The following EPHA6 variants were observed in gnomAD, a reference collection of about 807,000 sequenced individuals.
EPHA6 encodes EPH receptor A6.
A neutral mutation model predicts 112.0 loss-of-function variants in EPHA6; 50 were observed. The ratio of observed to expected loss-of-function variants is 0.45; its 90% CI spans 0.36 to 0.56. The LOEUF (loss-of-function observed/expected upper bound fraction) is 0.56, where lower values mean the gene tolerates loss of function less well. Ranked by LOEUF, EPHA6 falls within the 20% of genes least tolerant of loss-of-function variation. The pLI is 0.00. For missense variants in EPHA6, 1,280 were observed against 1,417.4 expected (o/e 0.90, Z 1.56); for synonymous variants, 529 against 490.7 (o/e 1.08, Z -1.03).
chr3:97,639,348 G>A (rs2093981212), intron 14 of EPHA6, among the ~76,000 whole-genome samples: 1 of 151,724 alleles, frequency 6.6e-6, no homozygotes, highest in Non-Finnish European at 1.5e-5. Context: ...TTTTCTCAAG[G>A]CCTTTATTTT....
At chr3:97,614,323 A>G (rs1291533405) in intron 13 of EPHA6, among the ~76,000 whole-genome samples, 1 of 148,082 alleles carries the variant, frequency 6.8e-6, no homozygotes, top group African/African-American at 2.5e-5. Flanking sequence ...ATGAGAGAAA[A>G]GGTATACTTA....
chr3:97,084,190 T>C (rs1198019822), intron 3 of EPHA6, among the ~76,000 whole-genome samples: 1 of 148,200 alleles, frequency 6.7e-6, no homozygotes, highest in Non-Finnish European at 1.5e-5. Context: ...TTTATCCTAC[T>C]TTTCATCCAT....
chr3:96,835,341 G>T (rs2034343604), intron 1 of EPHA6, among the ~76,000 whole-genome samples: 1 of 152,056 alleles, frequency 6.6e-6, no homozygotes, highest in Non-Finnish European at 1.5e-5. Context: ...AAAGGAAGTG[G>T]TGGTCACATC....
chr3:97,443,359 C>CAAAA (rs5851066), intron 6 of EPHA6, among the ~76,000 whole-genome samples: 14 of 68,196 alleles, frequency 2.1e-4, no homozygotes, highest in African/African-American at 5.6e-4. Context: ...TAAGACATCG[C>CAAAA]AAAAAAAAAA....
chr3:97,165,874 A>G (rs747521358), intron 3 of EPHA6, among the ~76,000 whole-genome samples: 8 of 152,164 alleles, frequency 5.3e-5, no homozygotes, highest in Non-Finnish European at 1.0e-4. Context: ...TAAGTATTCA[A>G]TAAAAAATTG....
intron 3 of EPHA6, among the ~76,000 whole-genome samples, chr3:97,216,044 A>G (rs1199749845): frequency 3.9e-5 from 6 of 152,214 alleles, no homozygotes; most frequent in Non-Finnish European, 5.9e-5. Flanking sequence ...AGAAAAGTCA[A>G]TGTCTGTATT....
intron 10 of EPHA6, among the ~76,000 whole-genome samples, chr3:97,497,327 A>T (rs1028763224): frequency 1.3e-5 from 2 of 152,122 alleles, no homozygotes; most frequent in African/African-American, 2.4e-5. Flanking sequence ...AGACCTTTGC[A>T]CCTGGTATTC....
At chr3:97,679,695 G>A (rs541493463) in intron 14 of EPHA6, among the ~76,000 whole-genome samples, 1 of 152,120 alleles carries the variant, frequency 6.6e-6, no homozygotes, top group Non-Finnish European at 1.5e-5. Context: ...GGAAACCTGT[G>A]GCATGTACAT....
At chr3:97,004,081 T>C (rs897045163) in intron 3 of EPHA6, among the ~76,000 whole-genome samples, 6 of 152,188 alleles carry the variant, frequency 3.9e-5, no homozygotes, top group African/African-American at 1.4e-4. Flanking sequence ...TCTTTGCTAT[T>C]GTAAATAGTG....
intron 15 of EPHA6, among the ~76,000 whole-genome samples, chr3:97,732,664 T>A (rs1363072881): frequency 2.0e-5 from 3 of 152,072 alleles, no homozygotes; most frequent in African/African-American, 7.2e-5. Flanking sequence ...TTGGGCAGGT[T>A]AAACCTCTTG....
intron 15 of EPHA6, among the ~76,000 whole-genome samples, chr3:97,729,057 GT>G (rs907197075): frequency 4.9e-4 from 74 of 151,546 alleles, no homozygotes; most frequent in African/African-American, 1.3e-3. Flanking sequence ...TTTTAAGAAA[GT>G]TTTTTTTTAA....
At chr3:96,898,432 G>T (rs1357430242) in intron 2 of EPHA6, among the ~76,000 whole-genome samples, 1 of 152,080 alleles carries the variant, frequency 6.6e-6, no homozygotes. Flanking sequence ...ATACCTTCCT[G>T]CCCCGATTTC....
At chr3:97,731,467 A>G (rs1056536452) in intron 15 of EPHA6, among the ~76,000 whole-genome samples, 1 of 152,028 alleles carries the variant, frequency 6.6e-6, no homozygotes, top group Non-Finnish European at 1.5e-5. Flanking sequence ...ACACAAAGAG[A>G]TCTCAAGATC....
At chr3:96,921,513 T>C (rs1166800208) in intron 2 of EPHA6, among the ~76,000 whole-genome samples, 1 of 152,070 alleles carries the variant, frequency 6.6e-6, no homozygotes, top group Admixed American at 6.6e-5. Flanking sequence ...TCTATTCAAC[T>C]TAAATGACTG....
intron 5 of EPHA6, among the ~76,000 whole-genome samples, chr3:97,400,352 A>G (rs1048784039): frequency 6.6e-6 from 1 of 151,670 alleles, no homozygotes; most frequent in African/African-American, 2.4e-5. Flanking sequence ...TTTGGTTACT[A>G]TATCTTTGTA....
intron 7 of EPHA6, 22 bp from the exon 8 acceptor site, chr3:97,475,330 T>C: frequency 2.5e-6 from 4 of 1,569,762 alleles, no homozygotes; most frequent in Non-Finnish European, 2.6e-6. Flanking sequence ...AGGGAAATTT[T>C]AATATTGTAT....
intron 5 of EPHA6, among the ~76,000 whole-genome samples, chr3:97,278,461 T>C (rs756967683): frequency 1.3e-5 from 2 of 152,352 alleles, no homozygotes; most frequent in South Asian, 4.1e-4. Context: ...TTATACATTA[T>C]AAGCCTTTGC....
At chr3:97,712,362 G>A (rs2034012291) in intron 14 of EPHA6, among the ~76,000 whole-genome samples, 1 of 152,140 alleles carries the variant, frequency 6.6e-6, no homozygotes, top group South Asian at 2.1e-4. Context: ...AGTGGGAATA[G>A]TATTTCTTAA....
At position 97,511,543 on chromosome 3, in the gene EPHA6, G is replaced by A. The variant is rs533326569; in HGVS notation, c.2201-20815G>A. ...CTAACCAGTCCCAATTAGATGAGTC[G>A]GGTACCTCAGTTGGAAATGCAGAAA... On this transcript the variant is annotated intron_variant, in intron 10 of 17. Coordinates refer to ENST00000389672, the MANE Select transcript of EPHA6 (RefSeq NM_001080448.3). Among the ~76,000 whole-genome samples the A allele has an allele frequency of 2.0e-4, 31 of 152,068 alleles. No homozygotes were observed. In the East Asian group the frequency reaches 5.2e-3, roughly 26 times the overall value.
Sources: gnomAD v4.1 joint callset for allele counts (sites outside exome capture counted in the v4.1 genomes callset) on GRCh38, gnomAD v4.1.1 for gene constraint, MANE v1.5 for transcripts, NCBI Gene and HGNC (gene_info 2026-07-23, HGNC 2026-07-21) for gene names.